The following PRKDC variants were observed in gnomAD, a reference collection of about 807,000 sequenced individuals.
PRKDC encodes the protein DNA-dependent protein kinase catalytic subunit.
In PRKDC, 82 loss-of-function variants were observed where a neutral mutation model predicts 486.9. The observed-to-expected ratio is 0.17, with a 90% confidence interval of 0.14 to 0.20. PRKDC has a LOEUF of 0.20. Ranked by LOEUF, PRKDC falls within the 10% of genes least tolerant of loss-of-function variation. The pLI is 1.00. For missense variants in PRKDC, 4,504 were observed against 5,038.2 expected (o/e 0.89, Z 3.21); for synonymous variants, 1,895 against 1,837.0 (o/e 1.03, Z -0.81).
In PRKDC at chr8:47,783,781, C is replaced by T; in HGVS notation, c.11136G>A (p.Leu3712=). ...CGGCGATTCGCACGTGGTACTCTGGCAATGGCTTTCCCCTACCGTCATACT... is the reference window on the plus strand; with the variant it reads ...CGGCGATTCGCACGTGGTACTCTGGTAATGGCTTTCCCCTACCGTCATACT... ...PGQYDGRGKP[L]PEYHVRIAGF... Residue 3712 remains leucine (L), a synonymous_variant, in exon 78 of 86, where the codon TTG becomes TTA. Transcript: ENST00000314191. 6.2e-7 allele frequency: 1 copy of T among 1,613,952 alleles called. No homozygotes were observed. Among genetic ancestry groups the T allele is most frequent in the Non-Finnish European group, 8.5e-7 (1 of 1,179,892 alleles).
Position 47,834,340 on chromosome 8 carries a change from G to A in PRKDC, c.8008C>T (p.His2670Tyr), listed in dbSNP as rs1235541366. ...TGSSTDPLVD[H>Y]TSPSSDSLLF... ...AAGGAGTCAGATGAGGGACTGGTGTGGTCGACCAGCGGGTCAGTGCTGCTC... is the reference window on the plus strand; with the variant it reads ...AAGGAGTCAGATGAGGGACTGGTGTAGTCGACCAGCGGGTCAGTGCTGCTC... The change falls in exon 59 of 86, where the codon CAC (histidine) becomes TAC (tyrosine). Residue 2670 changes from histidine to tyrosine, a missense_variant. Around this residue, in one of 6 missense-constraint regions of PRKDC, gnomAD observed 1,592 missense variants for 1,724.6 expected, o/e 0.92. Coordinates refer to ENST00000314191, the MANE Select transcript of PRKDC (RefSeq NM_006904.7). 1.9e-6 allele frequency: 3 copies of A among 1,613,848 alleles called. No homozygotes were observed. The African/African-American group carries it at 4.0e-5, about 22-fold the overall frequency.
At chr8:47,910,062 G>C (rs72647916) in intron 25 of PRKDC, among the ~76,000 whole-genome samples, 20,123 of 152,058 alleles carry the variant, frequency 0.13, 2,162 homozygotes, top group African/African-American at 0.27. Flanking sequence ...CTGGTTTTGC[G>C]GCTCGGGGTT....
intron 40 of PRKDC, among the ~76,000 whole-genome samples, chr8:47,870,347 G>T (rs1041397565): frequency 6.6e-6 from 1 of 152,208 alleles, no homozygotes; most frequent in African/African-American, 2.4e-5. Context: ...CACAGACAGA[G>T]AGACTCCATT....
intron 20 of PRKDC, 75 bp from the exon 21 acceptor site, chr8:47,927,428 T>A (rs1057289169): frequency 1.4e-6 from 2 of 1,463,600 alleles, no homozygotes; most frequent in African/African-American, 2.9e-5. Flanking sequence ...ACCAAGTAAT[T>A]GTGATTTCTA....
At chr8:47,852,621 CA>C in intron 52 of PRKDC, 51 bp downstream of exon 52, 1 of 1,165,034 alleles carries the variant, frequency 8.6e-7, no homozygotes, top group Non-Finnish European at 1.2e-6. Flanking sequence ...AGGGTCATAA[CA>C]AATCAAAACA....
At chr8:47,948,921 C>G (rs776089226) in intron 7 of PRKDC, among the ~76,000 whole-genome samples, 5 of 152,242 alleles carry the variant, frequency 3.3e-5, no homozygotes, top group Non-Finnish European at 7.3e-5. Context: ...GTTGCCATAA[C>G]AACTTACCAC....
At position 47,881,535 on chromosome 8, in the gene PRKDC, A is replaced by C; in HGVS notation, c.4963-15T>G. ...GATGAATCAATCTAAAGGAAGGAAA[A>C]GAAAAACAGGACACATTTGTATATT... On this transcript the variant is annotated splice_polypyrimidine_tract_variant and intron_variant, in intron 37 of 85. Transcript: ENST00000314191. 2 of 1,317,054 alleles carry C rather than the reference A, an allele frequency of 1.5e-6. No homozygotes were observed. Among genetic ancestry groups the C allele is most frequent in the Non-Finnish European group, 2.1e-6 (2 of 945,524 alleles). 81.6% of individuals were successfully genotyped at this position (1,317,054 alleles called of 1,614,324 possible). A position where few individuals can be genotyped will look rare whatever the true frequency, so the allele number is the denominator to read the frequency against.
intron 52 of PRKDC, among the ~76,000 whole-genome samples, chr8:47,851,512 C>A (rs1441951162): frequency 6.6e-6 from 1 of 152,206 alleles, no homozygotes; most frequent in Non-Finnish European, 1.5e-5. Context: ...AATCACAGCA[C>A]TGGGCCCACT....
In PRKDC at chr8:47,953,837, G is replaced by C. The variant is rs1040252012; in HGVS notation, c.591C>G (p.Phe197Leu). Reference protein sequence around the residue: ...SEMINNAENLFRAFLGELKTQ... With the variant: ...SEMINNAENLLRAFLGELKTQ... ...TCTTAAGTTCACCCAGAAAAGCGCG[G>C]AACAGGTTTTCTGCATTATTTATCA... The change falls in exon 6 of 86, where the codon TTC becomes TTG. Residue 197 changes from phenylalanine to leucine, a missense_variant. Phe to Leu is a conservative substitution (Grantham distance 22, BLOSUM62 0). Coordinates refer to ENST00000314191, the MANE Select transcript of PRKDC (RefSeq NM_006904.7). The C allele has an allele frequency of 7.0e-6, 11 of 1,571,460 alleles. No individual in the cohort carries two copies. In the East Asian group the frequency reaches 1.4e-4, roughly 20 times the overall value.
intron 68 of PRKDC, among the ~76,000 whole-genome samples, chr8:47,816,526 T>C (rs2087450155): frequency 6.6e-6 from 1 of 152,072 alleles, no homozygotes; most frequent in South Asian, 2.1e-4. Flanking sequence ...AGAGGAAAAA[T>C]GAAAGCACCA....
chr8:47,922,011 C>T (rs1488475842), intron 21 of PRKDC, among the ~76,000 whole-genome samples: 1 of 152,162 alleles, frequency 6.6e-6, no homozygotes, highest in Non-Finnish European at 1.5e-5. Context: ...GAACTCATGA[C>T]TTCACGTGAT....
In PRKDC at chr8:47,821,729, G is replaced by C. The variant is rs544832472; in HGVS notation, c.8986C>G (p.Leu2996Val). 1.3e-6 allele frequency: 2 copies of C among 1,599,598 alleles called. No individual in the cohort carries two copies. Among genetic ancestry groups the C allele is most frequent in the Non-Finnish European group, 1.7e-6 (2 of 1,173,064 alleles). ...TGGTTGTAACAGTCAAGGGATGCAA[G>C]TTCCCAAAAATCCTTCTCGGCTTCT... is the stretch of plus-strand genomic sequence containing the variant. ...PTEAEKDFWE[L>V]ASLDCYNHLA... Residue 2996 changes from leucine to valine, a missense_variant, in exon 65 of 86, where the codon CTT becomes GTT. By Grantham distance (32) the Leu-to-Val change is conservative. This residue lies in a region of PRKDC where 1,592 missense variants were observed against 1,724.6 expected (regional missense o/e 0.92). Transcript: ENST00000314191.
intron 52 of PRKDC, among the ~76,000 whole-genome samples, chr8:47,852,224 C>G (rs1425979019): frequency 6.6e-6 from 1 of 152,180 alleles, no homozygotes; most frequent in Non-Finnish European, 1.5e-5. Context: ...ACAGTCCTGT[C>G]CAGTGGGCAA....
intron 62 of PRKDC, 137 bp from the exon 63 acceptor site, chr8:47,826,998 C>T (rs2087752685): frequency 6.5e-6 from 5 of 773,868 alleles, no homozygotes; most frequent in Non-Finnish European, 9.7e-6. Flanking sequence ...CTGTGTAATG[C>T]TATTAACACA....
intron 50 of PRKDC, among the ~76,000 whole-genome samples, chr8:47,854,781 T>C: frequency 6.6e-6 from 1 of 152,240 alleles, no homozygotes; most frequent in Middle Eastern, 3.2e-3. Flanking sequence ...TGCTAATACC[T>C]CCTGTTCACA....
intron 84 of PRKDC, 104 bp from the exon 85 acceptor site, chr8:47,777,087 T>A: frequency 2.1e-6 from 3 of 1,396,990 alleles, no homozygotes; most frequent in Non-Finnish European, 2.9e-6. Flanking sequence ...CAAACATCTA[T>A]AACCAGGAGC....
intron 21 of PRKDC, among the ~76,000 whole-genome samples, chr8:47,923,230 A>T (rs529834555): frequency 6.6e-6 from 1 of 151,700 alleles, no homozygotes; most frequent in East Asian, 1.9e-4. Flanking sequence ...TGCCAGGCTA[A>T]TTTTTTTTCT....
intron 67 of PRKDC, among the ~76,000 whole-genome samples, chr8:47,818,507 A>G (rs1291887823): frequency 2.5e-4 from 36 of 142,092 alleles, no homozygotes; most frequent in Non-Finnish European, 3.0e-5. Flanking sequence ...TGAACCCGGG[A>G]GGCAGAGCTT....
chr8:47,854,032 C>A, intron 51 of PRKDC, 51 bp downstream of exon 51: 5 of 1,601,302 alleles, frequency 3.1e-6, no homozygotes, highest in Non-Finnish European at 4.3e-6. Context: ...TGAAGTCTGT[C>A]AATCCAGTTT....
Sources: allele counts gnomAD v4.1 joint callset (sites outside exome capture counted in the v4.1 genomes callset), GRCh38; gene constraint gnomAD v4.1.1; regional missense constraint gnomAD v4.1.1; transcripts MANE v1.5; gene names NCBI Gene and HGNC (gene_info 2026-07-23, HGNC 2026-07-21).